DOCK9: variants seen among roughly 807,000 people sequenced by gnomAD.
The protein encoded by DOCK9 is dedicator of cytokinesis protein 9.
A neutral mutation model predicts 263.3 loss-of-function variants in DOCK9; 89 were observed. The observed-to-expected ratio is 0.34, with a 90% CI of 0.28 to 0.40. The LOEUF is 0.40. Ranked by LOEUF, DOCK9 falls within the 10% of genes least tolerant of loss-of-function variation. DOCK9 has a pLI of 1.00. For synonymous variants in DOCK9, 976 were observed against 973.1 expected (o/e 1.00, Z -0.06); for missense variants, 2,140 against 2,603.4 (o/e 0.82, Z 3.87).
intron 2 of DOCK9, among the ~76,000 whole-genome samples, chr13:98,935,396 G>C (rs563211834): frequency 2.3e-4 from 35 of 152,316 alleles, no homozygotes; most frequent in African/African-American, 7.9e-4. Flanking sequence ...GTCCACATCT[G>C]GGATAAGAAT....
chr13:98,839,701 T>C (rs1226496562), intron 38 of DOCK9, among the ~76,000 whole-genome samples: 1 of 152,252 alleles, frequency 6.6e-6, no homozygotes, highest in Non-Finnish European at 1.5e-5. Flanking sequence ...AGAACTCCCA[T>C]AGAATTTAAC....
intron 1 of DOCK9, among the ~76,000 whole-genome samples, chr13:99,027,759 C>T (rs1187857371): frequency 6.6e-6 from 1 of 151,980 alleles, no homozygotes; most frequent in East Asian, 1.9e-4. Flanking sequence ...AGTGGTATAG[C>T]TCACGGAGCT....
At chr13:98,800,127 C>A (rs2089935634) in intron 50 of DOCK9, among the ~76,000 whole-genome samples, 161 bp downstream of exon 50, 1 of 152,164 alleles carries the variant, frequency 6.6e-6, no homozygotes. Flanking sequence ...TTTCCTCCCC[C>A]TCTGATATCA....
chr13:98,955,869 G>A (rs1054909209), intron 1 of DOCK9, among the ~76,000 whole-genome samples: 1 of 152,194 alleles, frequency 6.6e-6, no homozygotes, highest in Non-Finnish European at 1.5e-5. Flanking sequence ...TGCCAGAGTT[G>A]CCCTGGTTAG....
chr13:99,006,011 A>C (rs972349306), intron 1 of DOCK9, among the ~76,000 whole-genome samples: 2 of 152,242 alleles, frequency 1.3e-5, no homozygotes, highest in African/African-American at 4.8e-5. Flanking sequence ...AGAATTTCTA[A>C]GCATAAAGGT....
chr13:99,063,763 C>T (rs1653417607), intron 1 of DOCK9, among the ~76,000 whole-genome samples: 2 of 152,032 alleles, frequency 1.3e-5, no homozygotes, highest in South Asian at 4.2e-4. Flanking sequence ...TTGCTAGATT[C>T]AACAGATTTA....
At chr13:98,886,221 G>A (rs141171824) in intron 19 of DOCK9, among the ~76,000 whole-genome samples, 583 of 152,206 alleles carry the variant, frequency 3.8e-3, no homozygotes, top group South Asian at 8.7e-3. Context: ...AAGATTCTCA[G>A]GTCCAACAAA....
rs530877347 is a variant in DOCK9, at chr13:98,913,881, A to T, written c.960+447T>A. ...AATAGCTTATTTTTTTTCCAGTAAG[A>T]GTGACCCGAAACAATTTCTGTAACT... On this transcript the variant is annotated intron_variant, in intron 9 of 52. Transcript: ENST00000682017. Among the ~76,000 whole-genome samples, 140 of 152,222 alleles carry T rather than the reference A, an allele frequency of 9.2e-4. 2 individuals carry two copies. Among genetic ancestry groups the T allele is most frequent in the African/African-American group, 3.3e-3 (137 of 41,556 alleles).
chr13:98,850,216 A>C, intron 35 of DOCK9, 103 bp from the exon 36 acceptor site: 1 of 801,980 alleles, frequency 1.2e-6, no homozygotes, highest in Admixed American at 3.3e-5. Context: ...TAGGCCTCTA[A>C]ACCCTGGAGT....
At chr13:98,804,881 G>T in intron 49 of DOCK9, 118 bp downstream of exon 49, 1 of 957,642 alleles carries the variant, frequency 1.0e-6, no homozygotes, top group Non-Finnish European at 1.6e-6. Flanking sequence ...TGAAATGGGT[G>T]TGGGGGTGGC....
chr13:98,797,370 T>C lies in DOCK9; in HGVS notation c.6017+19A>G. The C allele has an allele frequency of 1.2e-6, 2 of 1,611,272 alleles. No homozygotes were observed. Among genetic ancestry groups the C allele is most frequent in the South Asian group, 1.1e-5 (1 of 90,680 alleles). ...TGATCAATACTCGAAGAGAAAAAGA[T>C]GCTTTCAGTGTGCTTTACCTGAAAA... On this transcript the variant is annotated intron_variant, in intron 51 of 52. Transcript: ENST00000682017.
intron 2 of DOCK9, among the ~76,000 whole-genome samples, chr13:98,943,155 G>A (rs2056210357): frequency 6.6e-6 from 1 of 152,218 alleles, no homozygotes; most frequent in African/African-American, 2.4e-5. Flanking sequence ...TTCAGCTCCT[G>A]GGCTGCCATC....
At chr13:98,947,799 C>A (rs2056920693) in intron 2 of DOCK9, among the ~76,000 whole-genome samples, 1 of 152,188 alleles carries the variant, frequency 6.6e-6, no homozygotes, top group South Asian at 2.1e-4. Context: ...AGCCACTGCA[C>A]CCGGCCCAGA....
chr13:98,828,286 T>C (rs548259450), intron 43 of DOCK9, among the ~76,000 whole-genome samples: 3 of 152,350 alleles, frequency 2.0e-5, no homozygotes, highest in Admixed American at 6.5e-5. Context: ...ATGGCAGCCA[T>C]GTAAAACTAA....
At chr13:98,801,134 A>G (rs1594116577) in intron 49 of DOCK9, among the ~76,000 whole-genome samples, 1 of 106,836 alleles carries the variant, frequency 9.4e-6, no homozygotes, top group Non-Finnish European at 2.3e-5. Context: ...TAAAAAATAC[A>G]AAAAATTAGC....
intron 1 of DOCK9, among the ~76,000 whole-genome samples, chr13:99,056,738 C>T (rs1328965728): frequency 6.6e-6 from 1 of 152,180 alleles, no homozygotes; most frequent in Non-Finnish European, 1.5e-5. Flanking sequence ...CTGAGATGTC[C>T]TCTTTCCCTT....
chr13:98,893,088 C>T (rs2046874553), intron 15 of DOCK9, among the ~76,000 whole-genome samples: 1 of 152,062 alleles, frequency 6.6e-6, no homozygotes, highest in African/African-American at 2.4e-5. Context: ...AGGAAGGGGA[C>T]ACAATTTGGG....
At position 98,797,397 on chromosome 13, in the gene DOCK9, T is replaced by G; in HGVS notation, c.6009A>C (p.Glu2003Asp). The part of the protein sequence containing the change: ...YPDNKVKLLK[E>D]VFRQFVEACG... ...CTTTCAGTGTGCTTTACCTGAAAAC[T>G]TCCTTAAGCAGCTTCACTTTATTGT... The change falls in exon 51 of 53, where the codon GAA becomes GAC. Residue 2003 changes from glutamate to aspartate, a missense_variant. Physicochemically the swap from Glu to Asp is conservative, Grantham distance 45. This residue lies in a region of DOCK9 where 619 missense variants were observed against 861.8 expected (regional missense o/e 0.72). Transcript: ENST00000682017. 1 of 1,613,536 alleles carries G rather than the reference T, an allele frequency of 6.2e-7. No homozygotes were observed. Among genetic ancestry groups the G allele is most frequent in the Non-Finnish European group, 8.5e-7 (1 of 1,179,662 alleles).
chr13:98,893,267 C>T (rs547167910), intron 15 of DOCK9, among the ~76,000 whole-genome samples: 11 of 152,164 alleles, frequency 7.2e-5, no homozygotes, highest in South Asian at 2.1e-4. Context: ...AAGCTGCATA[C>T]GCAAAAACTT....
Sources: gnomAD v4.1 joint callset for allele counts (sites outside exome capture counted in the v4.1 genomes callset) on GRCh38, gnomAD v4.1.1 for gene constraint, gnomAD v4.1.1 regional missense constraint, MANE v1.5 for transcripts, NCBI Gene and HGNC (gene_info 2026-07-23, HGNC 2026-07-21) for gene names.